Variants in MCTP1 observed in about 807,000 individuals in gnomAD.
MCTP1 encodes the protein multiple C2 and transmembrane domain containing 1.
A neutral mutation model predicts 120.6 loss-of-function variants in MCTP1; 69 were observed. The observed-to-expected ratio is 0.57, with a 90% CI of 0.47 to 0.70. MCTP1 has a LOEUF of 0.70. MCTP1 is among the 30% of genes least tolerant of loss of function. MCTP1 has a pLI of 0.00. For missense variants in MCTP1, 1,203 were observed against 1,248.8 expected, an observed-to-expected ratio of 0.96 and a Z score of 0.55; for synonymous variants, 529 against 493.1, an observed-to-expected ratio of 1.07 and a Z score of -0.96.
intron 1 of MCTP1, among the ~76,000 whole-genome samples, chr5:95,037,081 G>A (rs1841467297): frequency 1.3e-5 from 2 of 152,318 alleles, no homozygotes; most frequent in South Asian, 4.1e-4. Context: ...ATGACAACAG[G>A]AGTTTCATGG....
rs146364454 is a variant in MCTP1 at position 94,729,504 on chromosome 5, C to A, written c.2611-14618G>T. Reference sequence around the variant, plus strand: ...AGGGAGAATGAGAGAAGAGAATTGTCCTGTTTTCTTCCTTCTTCCCTTTTC... The same window carrying A: ...AGGGAGAATGAGAGAAGAGAATTGTACTGTTTTCTTCCTTCTTCCCTTTTC... On this transcript the variant is annotated intron_variant, in intron 19 of 22. Transcript: ENST00000515393. Among the ~76,000 whole-genome samples, 256 of 152,272 alleles carry A rather than the reference C, an allele frequency of 1.7e-3. 1 individual carries two copies. The highest frequency in any genetic ancestry group is 5.8e-3 in the African/African-American group (240 of 41,552).
chr5:94,755,366 C>G (rs905883328), intron 19 of MCTP1, among the ~76,000 whole-genome samples: 1 of 152,128 alleles, frequency 6.6e-6, no homozygotes, highest in Non-Finnish European at 1.5e-5. Flanking sequence ...AGTATTAATA[C>G]TAAAATGAGC....
chr5:95,252,015 T>C (rs1250171176), intron 1 of MCTP1, among the ~76,000 whole-genome samples: 20 of 152,106 alleles, frequency 1.3e-4, no homozygotes. Flanking sequence ...CAGAATATCA[T>C]ACATCACAGG....
At chr5:95,200,328 C>T (rs1385724358) in intron 1 of MCTP1, among the ~76,000 whole-genome samples, 1 of 152,062 alleles carries the variant, frequency 6.6e-6, no homozygotes, top group African/African-American at 2.4e-5. Context: ...CCATATGATC[C>T]AGCAATCCCA....
chr5:94,966,019 C>G lies in MCTP1; in HGVS notation c.839-12658G>C, dbSNP rs369934784. Among the ~76,000 whole-genome samples the G allele has an allele frequency of 5.3e-5, 8 of 152,270 alleles. No individual in the cohort carries two copies. The South Asian group carries it at 1.7e-3, about 32-fold the overall frequency. ...TCTATAACTGTGTATTTATAGATTA[C>G]TCAGTCCCAAGTATTTTTTTATACC... On this transcript the variant is annotated intron_variant, in intron 2 of 22. Transcript: ENST00000515393.
chr5:94,815,092 C>G (rs1031059913), intron 17 of MCTP1, among the ~76,000 whole-genome samples: 1 of 152,156 alleles, frequency 6.6e-6, no homozygotes, highest in African/African-American at 2.4e-5. Context: ...ACAGTCAGTG[C>G]CTCCCTTAGG....
chr5:95,205,239 G>GA (rs1359019785), intron 1 of MCTP1, among the ~76,000 whole-genome samples: 5 of 152,058 alleles, frequency 3.3e-5, no homozygotes, highest in African/African-American at 9.6e-5. Context: ...ATAAAATGGG[G>GA]AAAAAATAGT....
At chr5:94,938,899 G>A (rs933894660) in intron 5 of MCTP1, among the ~76,000 whole-genome samples, 6 of 152,062 alleles carry the variant, frequency 3.9e-5, no homozygotes, top group Non-Finnish European at 5.9e-5. Context: ...TGTAAAAATT[G>A]TTTCTCACTC....
At chr5:94,803,514 G>C (rs536267482) in intron 17 of MCTP1, among the ~76,000 whole-genome samples, 1 of 152,316 alleles carries the variant, frequency 6.6e-6, no homozygotes, top group African/African-American at 2.4e-5. Context: ...TCTGAAAAGT[G>C]AAAATGATAC....
chr5:94,820,452 AT>A (rs928796277), intron 17 of MCTP1, among the ~76,000 whole-genome samples: 2 of 152,126 alleles, frequency 1.3e-5, no homozygotes, highest in African/African-American at 4.8e-5. Context: ...CTTCTTTAAC[AT>A]TTTTTGCAGG....
chr5:95,199,036 A>C (rs922363940), intron 1 of MCTP1, among the ~76,000 whole-genome samples: 3 of 152,182 alleles, frequency 2.0e-5, no homozygotes, highest in Non-Finnish European at 4.4e-5. Context: ...TTAATTTGTT[A>C]ATTTTTCTCT....
Position 94,714,863 on chromosome 5 carries a change from T to C in MCTP1, c.2634A>G (p.Ile878Met). The stretch of plus-strand genomic sequence containing the variant: ...CCTCCTGGATGGCATAGATTTTATT[T>C]ATAAATCCCTTTTTTTCACTGTCCT... ...DDKDSEKKGF[I>M]NKIYAIQEVC... is the part of the protein sequence containing the mutation. The change falls in exon 20 of 23, where the codon ATA (isoleucine) becomes ATG (methionine). Residue 878 changes from isoleucine to methionine, a missense_variant. By Grantham distance (10) the Ile-to-Met change is conservative. This residue lies in a region of MCTP1 where 740 missense variants were observed against 871.1 expected (regional missense o/e 0.85). Transcript: ENST00000515393. 6.2e-7 allele frequency: 1 copy of C among 1,610,382 alleles called. No homozygotes were observed. Among genetic ancestry groups the C allele is most frequent in the Non-Finnish European group, 8.5e-7 (1 of 1,176,716 alleles).
chr5:95,214,265 T>G (rs1265814249), intron 1 of MCTP1, among the ~76,000 whole-genome samples: 1 of 152,118 alleles, frequency 6.6e-6, no homozygotes, highest in African/African-American at 2.4e-5. Flanking sequence ...CATGAAAAAA[T>G]GCTCATCATC....
intron 10 of MCTP1, among the ~76,000 whole-genome samples, chr5:94,897,067 A>G (rs537385689): frequency 6.6e-6 from 1 of 151,594 alleles, no homozygotes; most frequent in East Asian, 1.9e-4. Flanking sequence ...TTAAATTTTA[A>G]TTTTTTCGAG....
At chr5:94,919,718 G>A (rs1811058342) in intron 7 of MCTP1, among the ~76,000 whole-genome samples, 1 of 152,152 alleles carries the variant, frequency 6.6e-6, no homozygotes, top group African/African-American at 2.4e-5. Flanking sequence ...CGAGTGTGGA[G>A]CAATTAGCTC....
intron 1 of MCTP1, among the ~76,000 whole-genome samples, chr5:95,103,611 C>A (rs1255819549): frequency 6.6e-6 from 1 of 152,178 alleles, no homozygotes; most frequent in Non-Finnish European, 1.5e-5. Context: ...GGAAAGCAAT[C>A]AAAATGTACA....
chr5:95,075,232 CA>C (rs1263850391), intron 1 of MCTP1, among the ~76,000 whole-genome samples: 3 of 152,214 alleles, frequency 2.0e-5, no homozygotes, highest in Non-Finnish European at 4.4e-5. Context: ...CTAATCCTCA[CA>C]AACTTTCAAA....
chr5:94,734,300 ATGTAT>A (rs1223046545), intron 19 of MCTP1, among the ~76,000 whole-genome samples: 2 of 151,650 alleles, frequency 1.3e-5, no homozygotes, highest in African/African-American at 2.4e-5. Flanking sequence ...GTCTTATAAC[ATGTAT>A]TGTACTTCTT....
chr5:95,169,162 T>C (rs1236162003), intron 1 of MCTP1, among the ~76,000 whole-genome samples: 2 of 152,208 alleles, frequency 1.3e-5, no homozygotes, highest in Non-Finnish European at 2.9e-5. Context: ...ATCATGTGGT[T>C]TTTGTCTTTG....
Sources: gnomAD v4.1 joint callset for allele counts (sites outside exome capture counted in the v4.1 genomes callset) on GRCh38, gnomAD v4.1.1 for gene constraint, gnomAD v4.1.1 regional missense constraint, MANE v1.5 for transcripts, NCBI Gene and HGNC (gene_info 2026-07-23, HGNC 2026-07-21) for gene names.